ACACB: variants seen among roughly 807,000 people sequenced by gnomAD.
ACACB encodes the protein acetyl-CoA carboxylase beta, also known as acetyl-CoA carboxylase 2.
A neutral mutation model predicts 278.8 loss-of-function variants in ACACB; 209 were observed. That is an observed-to-expected ratio of 0.75 (90% CI 0.67 to 0.84). The LOEUF is 0.84. Ranked by LOEUF, ACACB falls within the 40% of genes least tolerant of loss-of-function variation. The pLI is 0.00. For synonymous variants in ACACB, 1,174 were observed against 1,285.6 expected, an observed-to-expected ratio of 0.91 and a Z score of 1.86; for missense variants, 2,850 against 3,269.0, an observed-to-expected ratio of 0.87 and a Z score of 3.13.
At chr12:109,191,826 C>T in intron 14 of ACACB, 21 bp from the exon 15 acceptor site, 1 of 1,614,176 alleles carries the variant, frequency 6.2e-7, no homozygotes, top group Non-Finnish European at 8.5e-7. Flanking sequence ...CCTGAGGATA[C>T]TGAAGTGCAT....
chr12:109,183,232 T>C (rs1413346439), intron 11 of ACACB, among the ~76,000 whole-genome samples: 2 of 152,224 alleles, frequency 1.3e-5, no homozygotes, highest in Admixed American at 6.5e-5. Flanking sequence ...CCAGTGTTTG[T>C]TCTTTTTTTT....
chr12:109,198,793 T>A (rs1311917426), intron 17 of ACACB, among the ~76,000 whole-genome samples: 1 of 152,150 alleles, frequency 6.6e-6, no homozygotes, highest in Admixed American at 6.5e-5. Flanking sequence ...GCTATTTTTT[T>A]TTTTTTATTT....
intron 10 of ACACB, 45 bp downstream of exon 10, chr12:109,179,342 T>A (rs1372565144): frequency 1.3e-6 from 2 of 1,579,520 alleles, no homozygotes; most frequent in East Asian, 4.6e-5. Context: ...GAGAGCCGTC[T>A]CAGCTCAGAG....
chr12:109,245,029 GTC>G (rs1321904625), intron 37 of ACACB, among the ~76,000 whole-genome samples: 1 of 152,024 alleles, frequency 6.6e-6, no homozygotes, highest in Non-Finnish European at 1.5e-5. Context: ...GAGAAACCCT[GTC>G]TCTACTAAAA....
At chr12:109,229,221 G>A (rs1026752333) in intron 28 of ACACB, among the ~76,000 whole-genome samples, 3 of 152,140 alleles carry the variant, frequency 2.0e-5, no homozygotes, top group Non-Finnish European at 4.4e-5. Flanking sequence ...GGGATTACAG[G>A]CGTGAGCCAC....
At position 109,267,991 on chromosome 12, in the gene ACACB, A is replaced by G. The variant is rs1480432486; in HGVS notation, c.*1629A>G. On this transcript the variant is annotated 3_prime_UTR_variant, in exon 53 of 53. Coordinates refer to ENST00000338432, the MANE Select transcript of ACACB (RefSeq NM_001093.4). ...CATCAGCCAGTGACAGTCCTGGCAA[A>G]TGAAGGTGGGGCGGGGCAGTGAGGG... 1 of 144,440 alleles carries G rather than the reference A, an allele frequency of 6.9e-6. No homozygotes were observed. Among genetic ancestry groups the G allele is most frequent in the Non-Finnish European group, 1.5e-5 (1 of 65,660 alleles). The allele number at this position is 144,440 out of a possible 1,614,324, so 8.9% of individuals were successfully genotyped here.
At chr12:109,238,735 T>C (rs1358534174) in intron 34 of ACACB, among the ~76,000 whole-genome samples, 6 of 151,224 alleles carry the variant, frequency 4.0e-5, no homozygotes, top group Non-Finnish European at 8.8e-5. Context: ...CCAGCTAATT[T>C]TGTATTTTTA....
In ACACB at chr12:109,235,305, T is replaced by C; in HGVS notation, c.4348-8T>C. ...AATATTCCATTGTGTCTTTGGTTTT[T>C]AATGCAGAAAAATATCCTTGTGGAT... is the stretch of plus-strand genomic sequence containing the variant. On this transcript the variant is annotated splice_region_variant and splice_polypyrimidine_tract_variant and intron_variant, in intron 31 of 52. Coordinates refer to ENST00000338432, the MANE Select transcript of ACACB (RefSeq NM_001093.4). The C allele has an allele frequency of 6.2e-7, 1 of 1,613,820 alleles. No individual in the cohort carries two copies. The highest frequency in any genetic ancestry group is 8.5e-7 in the Non-Finnish European group (1 of 1,179,702).
rs770089749 is a variant in ACACB, at chr12:109,252,108, G to C, written c.5853G>C (p.Gln1951His). ...YLVRLGQRVI[Q>H]VENSHIILTG... ...TGAGGCTGGGCCAGCGAGTGATCCAGGTGGAGAATTCCCACATCATCCTCA... is the reference window on the plus strand; with the variant it reads ...TGAGGCTGGGCCAGCGAGTGATCCACGTGGAGAATTCCCACATCATCCTCA... Residue 1951 changes from glutamine to histidine, a missense_variant, in exon 42 of 53, where the codon CAG (glutamine) becomes CAC (histidine). By Grantham distance (24) the Gln-to-His change is conservative. This residue lies in a region of ACACB where 579 missense variants were observed against 684.6 expected (regional missense o/e 0.85). Transcript: ENST00000338432. 1.1e-4 allele frequency: 174 copies of C among 1,613,504 alleles called. 1 individual carries two copies. In the South Asian group the frequency reaches 1.7e-3, roughly 15 times the overall value.
At chr12:109,237,406 C>G in intron 34 of ACACB, 26 bp downstream of exon 34, 1 of 1,592,534 alleles carries the variant, frequency 6.3e-7, no homozygotes, top group South Asian at 1.1e-5. Context: ...GCATTTCTTC[C>G]TCTCTCAGAA....
chr12:109,188,174 CTT>C lies in ACACB; in HGVS notation c.2144+13_2144+14del. On this transcript the variant is annotated intron_variant, in intron 13 of 52. Transcript: ENST00000338432. ...GAAGAGGCCATTTCGTCAGTATCTC[CTT>C]CCTTCCTTCCTTCCTTCCTTCCTTC... The C allele has an allele frequency of 2.4e-5, 1 of 42,244 alleles. No individual in the cohort carries two copies. Among genetic ancestry groups the C allele is most frequent in the Non-Finnish European group, 5.4e-5 (1 of 18,492 alleles). 2.6% of individuals were successfully genotyped at this position (42,244 alleles called of 1,614,324 possible). A position where few individuals can be genotyped will look rare whatever the true frequency, so the allele number is the denominator to read the frequency against.
At chr12:109,241,918 CT>C (rs1223609894) in intron 36 of ACACB, 2 of 155,994 alleles carry the variant, frequency 1.3e-5, no homozygotes, top group Non-Finnish European at 2.8e-5. Context: ...TCCCAAGTAG[CT>C]GGGACTACAG....
intron 2 of ACACB, among the ~76,000 whole-genome samples, chr12:109,158,296 G>C (rs1287948901): frequency 2.0e-5 from 3 of 151,912 alleles, no homozygotes; most frequent in African/African-American, 4.8e-5. Context: ...GTTTCAATCA[G>C]ACATTATTTA....
intron 22 of ACACB, among the ~76,000 whole-genome samples, chr12:109,213,759 G>A (rs909998072): frequency 4.6e-5 from 7 of 151,924 alleles, no homozygotes; most frequent in Non-Finnish European, 1.5e-5. Flanking sequence ...CACCACGCCC[G>A]GCTAATTTTT....
Position 109,175,931 on chromosome 12 carries a change from G to C in ACACB, c.1217G>C (p.Gly406Ala). 1.2e-6 allele frequency: 2 copies of C among 1,613,868 alleles called. No individual in the cohort carries two copies. Among genetic ancestry groups the C allele is most frequent in the East Asian group, 4.5e-5 (2 of 44,876 alleles). Residue 406 changes from glycine to alanine, a missense_variant and splice_region_variant, in exon 8 of 53, where the codon GGC becomes GCC. Gly to Ala is a moderately conservative substitution (Grantham distance 60, BLOSUM62 0). Transcript: ENST00000338432. Reference protein sequence around the residue: ...QVPTLPWSGSGLTVEWTEDDL... With the variant: ...QVPTLPWSGSALTVEWTEDDL... ...ATCAGGTTTCTTTGTGACTCTCCAG[G>C]CCTGACAGTGGAGTGGACAGAAGAT...
At chr12:109,207,473 G>A (rs1014429238) in intron 20 of ACACB, among the ~76,000 whole-genome samples, 3 of 152,154 alleles carry the variant, frequency 2.0e-5, no homozygotes, top group African/African-American at 7.2e-5. Context: ...ACCTCTGTTC[G>A]TCATTCACCC....
At chr12:109,264,085 T>C (rs1166816853) in intron 49 of ACACB, 147 bp from the exon 50 acceptor site, 1 of 939,214 alleles carries the variant, frequency 1.1e-6, no homozygotes, top group Non-Finnish European at 1.6e-6. Flanking sequence ...GCAGGGGTAA[T>C]ATCAGAGTTA....
chr12:109,116,063 C>G (rs568465168), upstream of ACACB, among the ~76,000 whole-genome samples: 3 of 152,200 alleles, frequency 2.0e-5, no homozygotes, highest in African/African-American at 7.2e-5. Flanking sequence ...TGTGCTCAAC[C>G]CTAGCAAGAG....
intron 20 of ACACB, 48 bp from the exon 21 acceptor site, chr12:109,209,117 C>T: frequency 1.3e-6 from 2 of 1,532,620 alleles, no homozygotes; most frequent in Non-Finnish European, 1.8e-6. Context: ...GGCGGTGGTG[C>T]CCATGCCCAT....
Sources: gnomAD v4.1 joint callset for allele counts (sites outside exome capture counted in the v4.1 genomes callset) on GRCh38, gnomAD v4.1.1 for gene constraint, gnomAD v4.1.1 regional missense constraint, MANE v1.5 for transcripts, NCBI Gene and HGNC (gene_info 2026-07-23, HGNC 2026-07-21) for gene names.